CSMD1: variants seen among roughly 807,000 people sequenced by gnomAD.
CSMD1 encodes the protein CUB and sushi domain-containing protein 1.
Under a neutral mutation model 417.5 loss-of-function variants are expected in CSMD1, and 213 were observed. That is an observed-to-expected ratio of 0.51 (90% confidence interval 0.46 to 0.57). The LOEUF is 0.57. CSMD1 is among the 20% of genes least tolerant of loss of function. The pLI is 0.00. For missense variants in CSMD1, 6,923 were observed against 4,529.7 expected (o/e 1.53, Z -15.17); for synonymous variants, 2,862 against 1,736.8 (o/e 1.65, Z -16.11).
chr8:3,671,264 A>G (rs571445256), intron 7 of CSMD1, among the ~76,000 whole-genome samples: 1 of 147,780 alleles, frequency 6.8e-6, no homozygotes, highest in African/African-American at 2.5e-5. Flanking sequence ...ATATGTATAT[A>G]TATATATATG....
At chr8:4,462,009 G>C (rs1017248742) in intron 2 of CSMD1, among the ~76,000 whole-genome samples, 12 of 151,930 alleles carry the variant, frequency 7.9e-5, no homozygotes, top group Admixed American at 7.2e-4. Flanking sequence ...CCAAATTGCT[G>C]GGATTACAGG....
At chr8:3,265,493 T>G (rs976814711) in intron 26 of CSMD1, among the ~76,000 whole-genome samples, 1 of 152,042 alleles carries the variant, frequency 6.6e-6, no homozygotes, top group Admixed American at 6.6e-5. Flanking sequence ...CAACCTGTCA[T>G]GAGAACAGAA....
intron 6 of CSMD1, among the ~76,000 whole-genome samples, chr8:3,732,457 A>T (rs979586608): frequency 1.3e-5 from 2 of 152,200 alleles, no homozygotes; most frequent in Non-Finnish European, 2.9e-5. Context: ...CCTTAGGAAT[A>T]GTAATTTAAC....
chr8:4,578,510 C>G (rs983391674), intron 2 of CSMD1, among the ~76,000 whole-genome samples: 2 of 151,494 alleles, frequency 1.3e-5, no homozygotes, highest in Non-Finnish European at 2.9e-5. Context: ...TATTAATTTC[C>G]TGTTTTATTA....
chr8:3,809,419 C>A (rs896849329), intron 5 of CSMD1, among the ~76,000 whole-genome samples: 2 of 152,184 alleles, frequency 1.3e-5, no homozygotes, highest in Admixed American at 6.5e-5. Context: ...CCTTTGTTTC[C>A]TTCTCCATCA....
At position 3,195,710 on chromosome 8, in the gene CSMD1, C is replaced by T. The variant is rs1197250969; in HGVS notation, c.5194+4004G>A. On this transcript the variant is annotated intron_variant, in intron 33 of 69. Coordinates refer to ENST00000635120, the MANE Select transcript of CSMD1 (RefSeq NM_033225.6). ...CTACAGGAGTCTCCTCCACTGTGAA[C>T]ACTCGAGGAATTCCCGGGAGCTAAG... is the stretch of plus-strand genomic sequence containing the variant. 2.6e-5 allele frequency among the ~76,000 whole-genome samples: 4 copies of T among 152,166 alleles called. No individual in the cohort carries two copies. In the East Asian group the frequency reaches 7.7e-4, roughly 29 times the overall value.
At position 4,364,546 on chromosome 8, in the gene CSMD1, C is replaced by T. The variant is rs1206157279; in HGVS notation, c.415+55407G>A. 2.9e-4 allele frequency among the ~76,000 whole-genome samples: 5 copies of T among 17,182 alleles called. 2 individuals are homozygous for T. In the South Asian group the frequency reaches 5.4e-3, roughly 18 times the overall value. 11.3% of individuals were successfully genotyped at this position (17,182 alleles called of 152,430 possible). The stretch of plus-strand genomic sequence containing the variant: ...ATTTTTTAAAAAGATAATCAATGGC[C>T]GGGCGCGGTGGCTCACGCCTGTAAT... On this transcript the variant is annotated intron_variant, in intron 3 of 69. Transcript: ENST00000635120.
intron 4 of CSMD1, among the ~76,000 whole-genome samples, chr8:4,013,039 TC>T (rs921100327): frequency 2.6e-5 from 4 of 152,176 alleles, no homozygotes; most frequent in Admixed American, 1.3e-4. Context: ...TTTTATTTTT[TC>T]CCTTCTCAGC....
At chr8:4,900,544 G>T (rs1195261452) in intron 1 of CSMD1, among the ~76,000 whole-genome samples, 2 of 152,120 alleles carry the variant, frequency 1.3e-5, no homozygotes, top group African/African-American at 2.4e-5. Context: ...CAATCCAGAT[G>T]CTGATGTGCA....
chr8:4,579,985 C>A (rs2130692666), intron 2 of CSMD1, among the ~76,000 whole-genome samples: 1 of 152,238 alleles, frequency 6.6e-6, no homozygotes, highest in African/African-American at 2.4e-5. Context: ...TTTTTATTTT[C>A]TTAAATACTA....
chr8:4,838,547 G>C (rs1460553403), intron 1 of CSMD1, among the ~76,000 whole-genome samples: 1 of 152,198 alleles, frequency 6.6e-6, no homozygotes, highest in Non-Finnish European at 1.5e-5. Flanking sequence ...GCTTTTACCT[G>C]CTTACACCTG....
intron 3 of CSMD1, among the ~76,000 whole-genome samples, chr8:4,419,659 G>A (rs1001199609): frequency 2.0e-5 from 3 of 152,098 alleles, no homozygotes; most frequent in African/African-American, 7.2e-5. Flanking sequence ...ACGTAAGAGG[G>A]CTATTAGTTT....
At chr8:3,557,306 A>T (rs1585360991) in intron 10 of CSMD1, among the ~76,000 whole-genome samples, 2 of 152,200 alleles carry the variant, frequency 1.3e-5, no homozygotes, top group East Asian at 3.8e-4. Flanking sequence ...TTAACAAAAG[A>T]CCTTTAATTA....
chr8:3,285,314 T>C (rs67354517), intron 25 of CSMD1, among the ~76,000 whole-genome samples: 15,703 of 152,090 alleles, frequency 0.1, 1,024 homozygotes, highest in East Asian at 0.29. Context: ...TCAAGATAAA[T>C]CCTTAAATAT....
Position 4,587,193 on chromosome 8 carries a change from T to C in CSMD1, c.302+50149A>G, listed in dbSNP as rs1274439007. On this transcript the variant is annotated intron_variant, in intron 2 of 69. Transcript: ENST00000635120. ...CAGCTTTTATGGCTTACTTGAAGGG[T>C]ATGTAATTCCTTCAGTAAAAAATGA... Among the ~76,000 whole-genome samples the C allele has an allele frequency of 3.3e-5, 5 of 152,228 alleles. No individual in the cohort carries two copies. In the South Asian group the frequency reaches 8.3e-4, roughly 25 times the overall value.
intron 3 of CSMD1, among the ~76,000 whole-genome samples, chr8:4,185,169 G>C (rs370660734): frequency 1.4e-5 from 2 of 139,984 alleles, no homozygotes; most frequent in Non-Finnish European, 3.1e-5. Context: ...AAAAGCAAAC[G>C]AAGAAAAAAC....
chr8:4,578,824 A>AC (rs1799269039), intron 2 of CSMD1, among the ~76,000 whole-genome samples: 2 of 150,600 alleles, frequency 1.3e-5, no homozygotes, highest in Admixed American at 1.3e-4. Flanking sequence ...AAAAAAAAAA[A>AC]AAAAACAAAC....
chr8:4,297,562 T>C (rs1324344842), intron 3 of CSMD1, among the ~76,000 whole-genome samples: 1 of 152,210 alleles, frequency 6.6e-6, no homozygotes. Context: ...TAATGCTAAA[T>C]GTTGTTATTT....
intron 18 of CSMD1, among the ~76,000 whole-genome samples, chr8:3,371,045 C>A (rs1809913976): frequency 6.6e-6 from 1 of 152,052 alleles, no homozygotes; most frequent in Admixed American, 6.5e-5. Context: ...TTCTCTTGAC[C>A]CTGACTTCAG....
Sources: gnomAD v4.1 joint callset for allele counts (sites outside exome capture counted in the v4.1 genomes callset) on GRCh38, gnomAD v4.1.1 for gene constraint, MANE v1.5 for transcripts, NCBI Gene and HGNC (gene_info 2026-07-23, HGNC 2026-07-21) for gene names.